Variants in GLI2 observed in about 807,000 individuals in gnomAD.
GLI2 encodes the protein transcription activator GLI2.
Under a neutral mutation model 78.9 loss-of-function variants are expected in GLI2, and 22 were observed. That is an observed-to-expected ratio of 0.28 (90% confidence interval 0.20 to 0.40). GLI2 has a LOEUF of 0.40. Ranked by LOEUF, GLI2 falls within the 10% of genes least tolerant of loss-of-function variation. The pLI, the probability that GLI2 is intolerant of heterozygous loss-of-function variation, is 1.00. For synonymous variants in GLI2, 974 were observed against 963.7 expected, an observed-to-expected ratio of 1.01 and a Z score of -0.20; for missense variants, 2,097 against 2,213.2, an observed-to-expected ratio of 0.95 and a Z score of 1.05.
intron 3 of GLI2, among the ~76,000 whole-genome samples, chr2:120,950,573 T>C (rs954435325): frequency 1.6e-4 from 25 of 152,108 alleles, no homozygotes; most frequent in Admixed American, 4.6e-4. Context: ...CACCTGACTA[T>C]TGGGGCATCT....
chr2:120,947,199 C>T (rs138361074), intron 3 of GLI2, among the ~76,000 whole-genome samples: 34 of 152,306 alleles, frequency 2.2e-4, no homozygotes, highest in African/African-American at 7.2e-4. Context: ...TCATCAAGAA[C>T]GCCCACTTCC....
chr2:120,738,839 CA>C lies in GLI2; in HGVS notation c.-31+2555del, dbSNP rs530640485. Among the ~76,000 whole-genome samples the C allele has an allele frequency of 3.8e-3, 573 of 152,362 alleles. 4 individuals are homozygous for C. Among genetic ancestry groups the C allele is most frequent in the African/African-American group, 0.013 (529 of 41,590 alleles). On this transcript the variant is annotated intron_variant, in intron 1 of 13. Transcript: ENST00000361492. ...GAGACTTCCGGGCTGCTCCCAAACTCATTCTGCTCTGGCCTTGAAGGGGACT... is the reference window on the plus strand; with the variant it reads ...GAGACTTCCGGGCTGCTCCCAAACTCTTCTGCTCTGGCCTTGAAGGGGACT...
chr2:120,788,723 A>T (rs1424536820), intron 1 of GLI2, among the ~76,000 whole-genome samples: 1 of 152,158 alleles, frequency 6.6e-6, no homozygotes, highest in Non-Finnish European at 1.5e-5. Flanking sequence ...TGGAAAAACA[A>T]ATTCAAGGAG....
chr2:120,954,628 C>CA (rs1441636695), intron 4 of GLI2, among the ~76,000 whole-genome samples: 1 of 152,186 alleles, frequency 6.6e-6, no homozygotes, highest in African/African-American at 2.4e-5. Context: ...TGTTTCCTGA[C>CA]ACCACCCTGC....
chr2:120,814,157 A>C (rs1444206373), intron 2 of GLI2, among the ~76,000 whole-genome samples: 1 of 152,196 alleles, frequency 6.6e-6, no homozygotes, highest in East Asian at 1.9e-4. Flanking sequence ...CCTGTTGCAC[A>C]GCTGGGCAAA....
rs562830908 is a variant in GLI2 at position 120,903,308 on chromosome 2, A to G, written c.149-24053A>G. ...GAGGCGAAGGTTGCAGTGAGCTGAG[A>G]TCACGCCACTACACTCAGGCTTGGG... On this transcript the variant is annotated intron_variant, in intron 2 of 13. Coordinates refer to ENST00000361492, the MANE Select transcript of GLI2 (RefSeq NM_001374353.1). 7.2e-5 allele frequency among the ~76,000 whole-genome samples: 11 copies of G among 152,122 alleles called. No homozygotes were observed. In the South Asian group the frequency reaches 2.3e-3, roughly 32 times the overall value.
chr2:120,764,094 G>C (rs931786535), intron 1 of GLI2, among the ~76,000 whole-genome samples: 8 of 152,240 alleles, frequency 5.3e-5, no homozygotes, highest in African/African-American at 1.9e-4. Flanking sequence ...AGCCCCCTTG[G>C]TTCTCCTGCA....
intron 2 of GLI2, among the ~76,000 whole-genome samples, chr2:120,916,302 C>G (rs561284482): frequency 8.3e-4 from 126 of 152,340 alleles, no homozygotes; most frequent in African/African-American, 2.9e-3. Flanking sequence ...ATAGGAGAGG[C>G]CACATGCTTT....
intron 1 of GLI2, among the ~76,000 whole-genome samples, chr2:120,772,778 G>A (rs1478969303): frequency 1.3e-5 from 2 of 152,276 alleles, no homozygotes; most frequent in Non-Finnish European, 2.9e-5. Context: ...CATTGACCGT[G>A]GCATTCTTCA....
Position 120,840,483 on chromosome 2 carries a change from T to A in GLI2, c.148+43015T>A, listed in dbSNP as rs868807292. On this transcript the variant is annotated intron_variant, in intron 2 of 13. Coordinates refer to ENST00000361492, the MANE Select transcript of GLI2 (RefSeq NM_001374353.1). Reference sequence around the variant, plus strand: ...TTATTTGAAGGAAACCTGTGCAGCATGAGTTAAGGCTATCCCTCCAAAGTG... The same window carrying A: ...TTATTTGAAGGAAACCTGTGCAGCAAGAGTTAAGGCTATCCCTCCAAAGTG... Among the ~76,000 whole-genome samples, 4 of 152,332 alleles carry A rather than the reference T, an allele frequency of 2.6e-5. No homozygotes were observed. In the East Asian group the frequency reaches 5.8e-4, roughly 22 times the overall value.
At chr2:120,930,402 T>A (rs1679893540) in intron 3 of GLI2, among the ~76,000 whole-genome samples, 1 of 152,232 alleles carries the variant, frequency 6.6e-6, no homozygotes, top group South Asian at 2.1e-4. Context: ...TGACTAACCC[T>A]ATGGCTCACC....
intron 8 of GLI2, chr2:120,972,621 G>A (rs1015466046): frequency 5.8e-6 from 3 of 518,540 alleles, no homozygotes; most frequent in Non-Finnish European, 1.2e-5. Context: ...TTGGAGAGGT[G>A]GCGCTATGGG....
intron 2 of GLI2, among the ~76,000 whole-genome samples, chr2:120,917,947 G>A (rs1039380937): frequency 2.0e-5 from 3 of 152,234 alleles, no homozygotes; most frequent in African/African-American, 7.2e-5. Flanking sequence ...GCCTCCTGGG[G>A]ATTGGTCATC....
intron 3 of GLI2, among the ~76,000 whole-genome samples, chr2:120,931,458 A>G (rs569969638): frequency 6.6e-5 from 10 of 152,244 alleles, no homozygotes; most frequent in Non-Finnish European, 1.3e-4. Flanking sequence ...ATGTCTCTTA[A>G]GTCCCGTTTG....
rs145958673 is a variant in GLI2 at position 120,990,367 on chromosome 2, C to A, written c.4402C>A (p.Pro1468Thr). ...ACAGGCCTGTCAGGACAGCATCCAG[C>A]CCCAGCCCTTGCCCTCACCAGGGGT... ...QPQACQDSIQ[P>T]QPLPSPGVNQ... is the part of the protein sequence containing the mutation. The change falls in exon 14 of 14, where the codon CCC becomes ACC. Residue 1468 changes from proline (P) to threonine (T), a missense_variant. Physicochemically the swap from Pro to Thr is conservative, Grantham distance 38 (BLOSUM62 -1). Around this residue, in one of 5 missense-constraint regions of GLI2, gnomAD observed 1,290 missense variants for 1,261.7 expected, o/e 1.02. Coordinates refer to ENST00000361492, the MANE Select transcript of GLI2 (RefSeq NM_001374353.1). 6.2e-7 allele frequency: 1 copy of A among 1,614,070 alleles called. No individual in the cohort carries two copies. Among genetic ancestry groups the A allele is most frequent in the Admixed American group, 1.7e-5 (1 of 60,026 alleles).
intron 2 of GLI2, among the ~76,000 whole-genome samples, chr2:120,927,025 G>A (rs1679711428): frequency 6.6e-6 from 1 of 152,260 alleles, no homozygotes; most frequent in Non-Finnish European, 1.5e-5. Flanking sequence ...GAAGCCGGCG[G>A]AGTTGGAGCC....
chr2:120,939,290 AAAG>A (rs1326537365), intron 3 of GLI2, among the ~76,000 whole-genome samples: 48 of 152,092 alleles, frequency 3.2e-4, no homozygotes, highest in Admixed American at 1.3e-4. Flanking sequence ...AGAAAAAAAA[AAAG>A]AACAACAAAA....
chr2:120,880,023 G>A (rs937664723), intron 2 of GLI2, among the ~76,000 whole-genome samples: 1 of 152,172 alleles, frequency 6.6e-6, no homozygotes, highest in African/African-American at 2.4e-5. Flanking sequence ...GAATAAATCG[G>A]TGTGGCCAGA....
intron 1 of GLI2, among the ~76,000 whole-genome samples, chr2:120,749,072 T>C (rs1429487968): frequency 6.6e-6 from 1 of 152,240 alleles, no homozygotes; most frequent in East Asian, 1.9e-4. Flanking sequence ...CCAAGGGTCA[T>C]GTCCTCTGTA....
Sources: allele counts gnomAD v4.1 joint callset (sites outside exome capture counted in the v4.1 genomes callset), GRCh38; gene constraint gnomAD v4.1.1; regional missense constraint gnomAD v4.1.1; transcripts MANE v1.5; gene names NCBI Gene and HGNC (gene_info 2026-07-23, HGNC 2026-07-21).